Variants in PROSER2 observed in about 807,000 individuals in gnomAD.
The protein encoded by PROSER2 is proline and serine rich 2, also known as proline and serine-rich protein 2.
PROSER2 carries 18 observed loss-of-function variants against 14.6 expected under a neutral mutation model. The ratio of observed to expected loss-of-function variants is 1.23; its 90% confidence interval spans 0.85 to 1.83. The LOEUF is 1.83. PROSER2 is among the 40% of genes most tolerant of loss of function. The probability of loss-of-function intolerance (pLI) is 0.00; values close to 1 mark genes in which losing one functional copy is unlikely to be tolerated. For missense variants in PROSER2, 823 were observed against 629.8 expected (o/e 1.31, Z -3.28); for synonymous variants, 367 against 286.4 (o/e 1.28, Z -2.84).
chr10:11,827,901 C>T (rs568790075), intron 1 of PROSER2, among the ~76,000 whole-genome samples: 56 of 152,082 alleles, frequency 3.7e-4, no homozygotes, highest in African/African-American at 1.2e-3. Flanking sequence ...TGGTCTTGAA[C>T]CCCTGGGTTC....
In PROSER2 at chr10:11,856,368, A is replaced by G. The variant is rs1408538; in HGVS notation, c.138+4153A>G. Among the ~76,000 whole-genome samples the G allele has an allele frequency of 0.99, 150,792 of 152,278 alleles. 74,669 individuals are homozygous for G. Among genetic ancestry groups the G allele is most frequent in the East Asian group, 1 (5,162 of 5,162 alleles). On this transcript the variant is annotated intron_variant, in intron 2 of 3. Transcript: ENST00000277570. The surrounding 1 kb of genome is among the most constrained non-coding windows in gnomAD (Gnocchi z 5.3). Reference sequence around the variant, plus strand: ...CTCACACCAGCGTTCCCAGGCTCTCACTCTGAATGAGGTCCTGAAGTCGGG... The same window carrying G: ...CTCACACCAGCGTTCCCAGGCTCTCGCTCTGAATGAGGTCCTGAAGTCGGG...
rs780833031 is a variant in PROSER2 at position 11,852,037 on chromosome 10, C to T, written c.-41C>T. Reference sequence around the variant, plus strand: ...GCAGAATGGGCTGCTGGCTCCTGCCCTGCTTCCTGTGATCGAGCCGGCCCT... The same window carrying T: ...GCAGAATGGGCTGCTGGCTCCTGCCTTGCTTCCTGTGATCGAGCCGGCCCT... On this transcript the variant is annotated 5_prime_UTR_variant, in exon 2 of 4. Transcript: ENST00000277570. 2.6e-6 allele frequency: 4 copies of T among 1,559,646 alleles called. No individual in the cohort carries two copies. In the African/African-American group the frequency reaches 4.1e-5, roughly 16 times the overall value.
chr10:11,829,835 A>ATT (rs5783232), intron 1 of PROSER2, among the ~76,000 whole-genome samples: 1,875 of 66,274 alleles, frequency 0.028, 288 homozygotes, highest in East Asian at 0.085. Context: ...TTTACTTCTG[A>ATT]TTTTTTTTTT....
intron 2 of PROSER2, among the ~76,000 whole-genome samples, chr10:11,855,072 T>G (rs186987324): frequency 5.5e-4 from 84 of 152,006 alleles, no homozygotes; most frequent in Admixed American, 1.6e-3. Flanking sequence ...GAAGGCTCTT[T>G]AAGTAAAACA....
intron 1 of PROSER2, among the ~76,000 whole-genome samples, chr10:11,843,578 C>T (rs1212560240): frequency 1.3e-5 from 2 of 151,690 alleles, no homozygotes; most frequent in African/African-American, 4.8e-5. Context: ...CCCAGCTACT[C>T]GAGAGGCTGA....
chr10:11,846,545 T>G (rs929674933), intron 1 of PROSER2, among the ~76,000 whole-genome samples: 3 of 152,248 alleles, frequency 2.0e-5, no homozygotes, highest in African/African-American at 7.2e-5. Flanking sequence ...TATCAATTTT[T>G]TCTTCATAAA....
intron 1 of PROSER2, among the ~76,000 whole-genome samples, chr10:11,840,018 T>A (rs1379568212): frequency 6.6e-6 from 1 of 151,368 alleles, no homozygotes; most frequent in Non-Finnish European, 1.5e-5. Context: ...GTGGCCATGA[T>A]CTCAGCTCAC....
Position 11,836,094 on chromosome 10 carries a change from C to T in PROSER2, c.-82+12624C>T, listed in dbSNP as rs1191270863. ...TCGCCCAGGCTGCAGTGCAGTGGCA[C>T]GATCTTGGCTCACTGCAACCTCGGC... On this transcript the variant is annotated intron_variant, in intron 1 of 3. Transcript: ENST00000277570. This position sits in a 1 kb window ranked among gnomAD's most constrained non-coding sequence, Gnocchi z 4.6. Among the ~76,000 whole-genome samples, 2 of 152,042 alleles carry T rather than the reference C, an allele frequency of 1.3e-5. No homozygotes were observed. Among genetic ancestry groups the T allele is most frequent in the South Asian group, 2.1e-4 (1 of 4,810 alleles).
At chr10:11,858,392 T>G (rs915145838) in intron 2 of PROSER2, among the ~76,000 whole-genome samples, 1 of 152,228 alleles carries the variant, frequency 6.6e-6, no homozygotes, top group East Asian at 1.9e-4. Flanking sequence ...TTTAAAAAGT[T>G]GTCATCTAGC....
intron 1 of PROSER2, among the ~76,000 whole-genome samples, chr10:11,832,687 A>G (rs983003510): frequency 1.3e-5 from 2 of 152,216 alleles, no homozygotes; most frequent in African/African-American, 4.8e-5. Context: ...TTTCTCCTAA[A>G]TTGGAAGGAC....
intron 1 of PROSER2, among the ~76,000 whole-genome samples, chr10:11,826,737 C>T (rs1358686673): frequency 2.0e-5 from 3 of 152,056 alleles, no homozygotes; most frequent in South Asian, 2.1e-4. Context: ...CCCACCACCA[C>T]GCCGGGCTAA....
In PROSER2 at chr10:11,869,795, C is replaced by G; in HGVS notation, c.697C>G (p.Pro233Ala). 5 of 1,554,446 alleles carry G rather than the reference C, an allele frequency of 3.2e-6. No individual in the cohort carries two copies. The highest frequency in any genetic ancestry group is 3.5e-6 in the Non-Finnish European group (4 of 1,151,778). The change falls in exon 4 of 4, where the codon CCC (proline) becomes GCC (alanine). Residue 233 changes from proline to alanine, a missense_variant. Physicochemically the swap from Pro to Ala is conservative, Grantham distance 27. Coordinates refer to ENST00000277570, the MANE Select transcript of PROSER2 (RefSeq NM_153256.4). The surrounding 1 kb of genome is among the most constrained non-coding windows in gnomAD (Gnocchi z 4.4). The stretch of plus-strand genomic sequence containing the variant: ...GTGGAGGACACCTGCCGCCCGGGGG[C>G]CCCGCAGTGGAGACCCTGGCCCGGG... ...GEWRTPAARG[P>A]RSGDPGPGPS... is the part of the protein sequence containing the mutation.
intron 2 of PROSER2, among the ~76,000 whole-genome samples, chr10:11,854,246 T>C (rs988991001): frequency 6.6e-6 from 1 of 152,238 alleles, no homozygotes; most frequent in African/African-American, 2.4e-5. Context: ...TTGTGTACTT[T>C]CCTTTAGAAC....
chr10:11,829,837 T>TTC (rs1833667613), intron 1 of PROSER2, among the ~76,000 whole-genome samples: 1 of 78,908 alleles, frequency 1.3e-5, no homozygotes, highest in Non-Finnish European at 2.8e-5. Flanking sequence ...TACTTCTGAT[T>TTC]TTTTTTTTTT....
In PROSER2 at chr10:11,838,775, AATC is replaced by A. The variant is rs1330543660; in HGVS notation, c.-81-13218_-81-13216del. Among the ~76,000 whole-genome samples, 1 of 152,210 alleles carries A rather than the reference AATC, an allele frequency of 6.6e-6. No homozygotes were observed. Among genetic ancestry groups the A allele is most frequent in the African/African-American group, 2.4e-5 (1 of 41,452 alleles). ...GTTGAACATCTGTCTTGTACTTAAT[AATC>A]ATCTGGTTTCCTCGTTTGTACACTG... On this transcript the variant is annotated intron_variant, in intron 1 of 3. Coordinates refer to ENST00000277570, the MANE Select transcript of PROSER2 (RefSeq NM_153256.4). The surrounding 1 kb of genome is among the most constrained non-coding windows in gnomAD (Gnocchi z 4.4).
intron 1 of PROSER2, among the ~76,000 whole-genome samples, chr10:11,845,105 A>G (rs1833904598): frequency 6.6e-6 from 1 of 152,162 alleles, no homozygotes; most frequent in African/African-American, 2.4e-5. Context: ...AAATAATGGA[A>G]AAAAACCTGA....
At position 11,823,893 on chromosome 10, in the gene PROSER2, C is replaced by G. The variant is rs969340922; in HGVS notation, c.-82+423C>G. Among the ~76,000 whole-genome samples the G allele has an allele frequency of 6.6e-6, 1 of 152,168 alleles. No homozygotes were observed. Among genetic ancestry groups the G allele is most frequent in the Non-Finnish European group, 1.5e-5 (1 of 68,028 alleles). On this transcript the variant is annotated intron_variant, in intron 1 of 3. Transcript: ENST00000277570. This position sits in a 1 kb window ranked among gnomAD's most constrained non-coding sequence, Gnocchi z 6.2. ...GCGGCCTCGGGGAGAGGGTGCGGGT[C>G]CGACACGGCGGGCGGAGCCACCTGT...
intron 1 of PROSER2, among the ~76,000 whole-genome samples, chr10:11,841,023 A>G (rs929841594): frequency 7.7e-6 from 1 of 130,660 alleles, no homozygotes; most frequent in African/African-American, 2.9e-5. Flanking sequence ...CTTCTCTGGA[A>G]AAGTTTGTGT....
At position 11,855,309 on chromosome 10, in the gene PROSER2, TA is replaced by T. The variant is rs529228081; in HGVS notation, c.138+3099del. ...TAAGACGGTGAAACCCCGTCTCTAC[TA>T]AAAATACAAAAAAATTAGCTGGGCG... On this transcript the variant is annotated intron_variant, in intron 2 of 3. Coordinates refer to ENST00000277570, the MANE Select transcript of PROSER2 (RefSeq NM_153256.4). 3.3e-3 allele frequency among the ~76,000 whole-genome samples: 496 copies of T among 151,604 alleles called. 12 individuals are homozygous for T. The highest frequency in any genetic ancestry group is 0.026 in the Admixed American group (390 of 15,236).
Sources: allele counts gnomAD v4.1 joint callset (sites outside exome capture counted in the v4.1 genomes callset), GRCh38; gene constraint gnomAD v4.1.1; non-coding constraint Gnocchi (gnomAD v3.1); transcripts MANE v1.5; gene names NCBI Gene and HGNC (gene_info 2026-07-23, HGNC 2026-07-21).